MEF2A: variants seen among roughly 807,000 people sequenced by gnomAD.
MEF2A encodes the protein myocyte-specific enhancer factor 2A.
In MEF2A, 28 loss-of-function variants were observed where a neutral mutation model predicts 55.8. That is an observed-to-expected ratio of 0.50 (90% CI 0.37 to 0.69). The LOEUF is 0.69. Ranked by LOEUF, MEF2A falls within the 30% of genes least tolerant of loss-of-function variation. The pLI, the probability that MEF2A is intolerant of heterozygous loss-of-function variation, is 0.00. For synonymous variants in MEF2A, 239 were observed against 227.1 expected (o/e 1.05, Z -0.47); for missense variants, 528 against 626.2 (o/e 0.84, Z 1.67).
chr15:99,597,394 A>G (rs1971565701), intron 1 of MEF2A, among the ~76,000 whole-genome samples: 3 of 152,124 alleles, frequency 2.0e-5, no homozygotes, highest in African/African-American at 7.2e-5. Flanking sequence ...ATTCCCGCCT[A>G]ATAAATTTTG....
chr15:99,605,724 C>T (rs1974846213), intron 2 of MEF2A, among the ~76,000 whole-genome samples: 1 of 150,364 alleles, frequency 6.7e-6, no homozygotes, highest in African/African-American at 2.4e-5. Context: ...AATGCCAGCA[C>T]CTTGGGAGGC....
chr15:99,620,529 T>A (rs1294633129), intron 2 of MEF2A, among the ~76,000 whole-genome samples: 1 of 152,236 alleles, frequency 6.6e-6, no homozygotes, highest in Admixed American at 6.5e-5. Flanking sequence ...TTGTTCTTTT[T>A]ATGACTGTGT....
At chr15:99,570,548 G>A (rs951231154) in intron 1 of MEF2A, among the ~76,000 whole-genome samples, 1 of 152,130 alleles carries the variant, frequency 6.6e-6, no homozygotes, top group Non-Finnish European at 1.5e-5. Flanking sequence ...TGTTACTTGC[G>A]TGACCAGCAG....
chr15:99,707,893 C>A (rs1437062881), intron 10 of MEF2A, among the ~76,000 whole-genome samples: 1 of 151,586 alleles, frequency 6.6e-6, no homozygotes, highest in Non-Finnish European at 1.5e-5. Flanking sequence ...CACTTGAATT[C>A]TAAGAAGTTC....
chr15:99,623,826 A>T (rs1245009173), intron 2 of MEF2A, among the ~76,000 whole-genome samples: 2 of 144,116 alleles, frequency 1.4e-5, no homozygotes, highest in East Asian at 2.2e-4. Context: ...TTTTTAATTG[A>T]GACGGGGTTT....
At chr15:99,706,609 CAG>C in intron 9 of MEF2A, 118 bp from the exon 10 acceptor site, 1 of 1,086,372 alleles carries the variant, frequency 9.2e-7, no homozygotes. Context: ...TTCACATCAT[CAG>C]TGCTTCAGAA....
chr15:99,612,819 A>G (rs1435552313), intron 2 of MEF2A, among the ~76,000 whole-genome samples: 2 of 152,188 alleles, frequency 1.3e-5, no homozygotes, highest in East Asian at 3.9e-4. Flanking sequence ...CAGGTAAACC[A>G]GAATGTATGT....
chr15:99,622,666 C>G (rs970640496), intron 2 of MEF2A, among the ~76,000 whole-genome samples: 8 of 151,374 alleles, frequency 5.3e-5, no homozygotes, highest in African/African-American at 1.9e-4. Flanking sequence ...TGCTGTACAG[C>G]CATCACCACC....
intron 3 of MEF2A, among the ~76,000 whole-genome samples, chr15:99,635,020 A>C (rs551834754): frequency 3.9e-5 from 6 of 152,268 alleles, no homozygotes; most frequent in African/African-American, 1.4e-4. Flanking sequence ...AAGGGAGAAA[A>C]ACTGTATCTT....
intron 6 of MEF2A, among the ~76,000 whole-genome samples, chr15:99,674,992 C>A (rs1242879733): frequency 6.6e-6 from 1 of 152,164 alleles, no homozygotes; most frequent in African/African-American, 2.4e-5. Context: ...CTCCTCCTGC[C>A]TGAATTACTT....
chr15:99,668,639 T>G (rs553399768), intron 4 of MEF2A, among the ~76,000 whole-genome samples: 1 of 149,812 alleles, frequency 6.7e-6, no homozygotes, highest in Admixed American at 6.7e-5. Context: ...AGCAGATCTC[T>G]CATAGTGGTG....
chr15:99,612,082 A>G (rs868174413), intron 2 of MEF2A, among the ~76,000 whole-genome samples: 1 of 152,118 alleles, frequency 6.6e-6, no homozygotes. Flanking sequence ...CTATAATTAG[A>G]TAGTGGTAAT....
chr15:99,587,031 A>C (rs1399451237), intron 1 of MEF2A, among the ~76,000 whole-genome samples: 1 of 152,156 alleles, frequency 6.6e-6, no homozygotes, highest in East Asian at 1.9e-4. Context: ...AATAGTCTTA[A>C]AATCAGGTAG....
chr15:99,691,943 T>G (rs2055557818), intron 8 of MEF2A, among the ~76,000 whole-genome samples: 1 of 152,220 alleles, frequency 6.6e-6, no homozygotes, highest in Admixed American at 6.5e-5. Flanking sequence ...AATCTATTTA[T>G]CGCCCTTAGC....
At chr15:99,613,087 A>AG (rs1463932663) in intron 2 of MEF2A, among the ~76,000 whole-genome samples, 2 of 152,250 alleles carry the variant, frequency 1.3e-5, no homozygotes, top group Non-Finnish European at 2.9e-5. Context: ...TCTTGTACAT[A>AG]GCCAATCAGT....
chr15:99,652,387 T>A (rs943455356), intron 4 of MEF2A, among the ~76,000 whole-genome samples: 3 of 152,184 alleles, frequency 2.0e-5, no homozygotes, highest in Non-Finnish European at 2.9e-5. Flanking sequence ...CAGGCAGTAA[T>A]GCTCACTTGC....
At chr15:99,616,022 T>C (rs1256991476) in intron 2 of MEF2A, among the ~76,000 whole-genome samples, 1 of 152,016 alleles carries the variant, frequency 6.6e-6, no homozygotes, top group Non-Finnish European at 1.5e-5. Context: ...GACTTAAAAA[T>C]AAGAAAATTT....
At chr15:99,581,781 A>AT (rs1197298158) in intron 1 of MEF2A, among the ~76,000 whole-genome samples, 1 of 152,152 alleles carries the variant, frequency 6.6e-6, no homozygotes. Context: ...ATGATAATGG[A>AT]TTAGGGAGTT....
chr15:99,710,028 TTGAG>T (rs748111175), intron 10 of MEF2A, among the ~76,000 whole-genome samples: 5 of 152,224 alleles, frequency 3.3e-5, no homozygotes, highest in Admixed American at 2.0e-4. Context: ...CTGGTTGAGG[TTGAG>T]TGTTTCTCTT....
Sources: allele counts gnomAD v4.1 joint callset (sites outside exome capture counted in the v4.1 genomes callset), GRCh38; gene constraint gnomAD v4.1.1; transcripts MANE v1.5; gene names NCBI Gene and HGNC (gene_info 2026-07-23, HGNC 2026-07-21).